The following NOS1AP variants were observed in gnomAD, a reference collection of about 807,000 sequenced individuals.
NOS1AP encodes the protein nitric oxide synthase 1 adaptor protein.
NOS1AP carries 21 observed loss-of-function variants against 56.2 expected under a neutral mutation model. The observed-to-expected ratio is 0.37, with a 90% CI of 0.26 to 0.54. The LOEUF is 0.54. Among genes scored for constraint, NOS1AP ranks in the 20% least tolerant of loss-of-function variants. The probability of loss-of-function intolerance (pLI) is 0.84; values close to 1 mark genes in which losing one functional copy is unlikely to be tolerated. For synonymous variants in NOS1AP, 270 were observed against 274.6 expected (o/e 0.98, Z 0.17); for missense variants, 522 against 657.8 (o/e 0.79, Z 2.26).
chr1:162,282,219 A>G (rs533510130), intron 2 of NOS1AP, among the ~76,000 whole-genome samples: 4 of 152,326 alleles, frequency 2.6e-5, no homozygotes, highest in South Asian at 2.1e-4. Flanking sequence ...TCATCTTGCA[A>G]AGATGAAACT....
chr1:162,321,728 AAAAATAT>A (rs1025333976), intron 4 of NOS1AP, among the ~76,000 whole-genome samples: 4 of 135,004 alleles, frequency 3.0e-5, no homozygotes, highest in African/African-American at 9.3e-5. Flanking sequence ...TTAAAAAAAA[AAAAATAT>A]ATATATATAT....
intron 1 of NOS1AP, among the ~76,000 whole-genome samples, chr1:162,079,022 C>T (rs919642906): frequency 1.3e-5 from 2 of 152,130 alleles, no homozygotes; most frequent in African/African-American, 4.8e-5. Context: ...AGAGATGATC[C>T]CTATAAGATG....
intron 1 of NOS1AP, among the ~76,000 whole-genome samples, chr1:162,141,858 T>A (rs1397845491): frequency 1.3e-5 from 2 of 152,210 alleles, no homozygotes; most frequent in African/African-American, 4.8e-5. Flanking sequence ...GTTGGGTGGA[T>A]CACCATAGGA....
intron 2 of NOS1AP, among the ~76,000 whole-genome samples, chr1:162,185,494 G>A (rs761896392): frequency 6.6e-6 from 1 of 152,166 alleles, no homozygotes; most frequent in Non-Finnish European, 1.5e-5. Flanking sequence ...GTCTTGATGG[G>A]GGTTATCTGA....
At chr1:162,304,309 A>G (rs1225477866) in intron 4 of NOS1AP, among the ~76,000 whole-genome samples, 4 of 152,232 alleles carry the variant, frequency 2.6e-5, no homozygotes, top group African/African-American at 9.6e-5. Context: ...GCTAAACATC[A>G]GTTATCCGTC....
chr1:162,289,311 T>C (rs909883433), intron 3 of NOS1AP, among the ~76,000 whole-genome samples: 1 of 148,206 alleles, frequency 6.7e-6, no homozygotes, highest in East Asian at 2.0e-4. Flanking sequence ...TTTCTTTCTT[T>C]CTTCTTGATG....
chr1:162,332,965 G>C (rs1656821268), intron 4 of NOS1AP, 52 bp from the exon 5 acceptor site: 1 of 1,282,982 alleles, frequency 7.8e-7, no homozygotes, highest in African/African-American at 1.5e-5. Flanking sequence ...CCTGGTTGGA[G>C]ATTTGAACCT....
At chr1:162,185,622 C>T (rs1651408194) in intron 2 of NOS1AP, among the ~76,000 whole-genome samples, 1 of 152,216 alleles carries the variant, frequency 6.6e-6, no homozygotes, top group South Asian at 2.1e-4. Flanking sequence ...GCATAGGCTT[C>T]TACCTCTGAT....
intron 2 of NOS1AP, among the ~76,000 whole-genome samples, chr1:162,220,153 A>C (rs1652721686): frequency 1.3e-5 from 2 of 152,176 alleles, no homozygotes; most frequent in Non-Finnish European, 2.9e-5. Context: ...GCTGGCCTCG[A>C]GCTCCTGGCC....
At chr1:162,277,968 T>TG (rs1164991182) in intron 2 of NOS1AP, among the ~76,000 whole-genome samples, 1 of 152,224 alleles carries the variant, frequency 6.6e-6, no homozygotes, top group African/African-American at 2.4e-5. Context: ...GCCAAGATTA[T>TG]GTTCAGGATT....
chr1:162,085,076 C>T (rs1309757812), intron 1 of NOS1AP, among the ~76,000 whole-genome samples: 1 of 152,122 alleles, frequency 6.6e-6, no homozygotes, highest in Admixed American at 6.6e-5. Context: ...AACAGGCTTT[C>T]TTGGGACCTT....
At chr1:162,267,596 CAAAA>C (rs71829190) in intron 2 of NOS1AP, among the ~76,000 whole-genome samples, 1 of 100,152 alleles carries the variant, frequency 1.0e-5, no homozygotes, top group South Asian at 2.9e-4. Context: ...CCTGTCTCTA[CAAAA>C]AAAAAAAAAA....
chr1:162,261,506 G>GAAGGCA (rs770447420), intron 2 of NOS1AP, among the ~76,000 whole-genome samples: 1 of 18,614 alleles, frequency 5.4e-5, no homozygotes, highest in African/African-American at 2.4e-4. Context: ...GAGAGAGAGA[G>GAAGGCA]AGAGAGAGAG....
intron 5 of NOS1AP, chr1:162,338,617 G>A (rs1001580610): frequency 2.6e-5 from 4 of 152,190 alleles, no homozygotes; most frequent in Non-Finnish European, 5.9e-5. Context: ...AAGTCGTTAA[G>A]AAAGAGAATA....
In NOS1AP at chr1:162,177,160, A is replaced by G. The variant is rs1190548596; in HGVS notation, c.177+22684A>G. Among the ~76,000 whole-genome samples, 30 of 152,150 alleles carry G rather than the reference A, an allele frequency of 2.0e-4. 1 individual carries two copies. The highest frequency in any genetic ancestry group is 2.0e-3 in the Admixed American group (30 of 15,276). ...ACCCTTCTTGCTGAGAACTTTAAAA[A>G]TTTTAATCCAGGAGGTGATATGGGG... On this transcript the variant is annotated intron_variant, in intron 2 of 9. Coordinates refer to ENST00000361897, the MANE Select transcript of NOS1AP (RefSeq NM_014697.3).
chr1:162,363,822 A>G (rs1657978702), intron 8 of NOS1AP: 2 of 985,426 alleles, frequency 2.0e-6, no homozygotes, highest in Non-Finnish European at 2.4e-6. Flanking sequence ...GAGACAAAAA[A>G]ATGAGTCTGA....
intron 2 of NOS1AP, among the ~76,000 whole-genome samples, chr1:162,213,376 T>C (rs564952467): frequency 6.6e-6 from 1 of 152,114 alleles, no homozygotes; most frequent in Non-Finnish European, 1.5e-5. Context: ...GGTCAGGAAT[T>C]TTTGCATTGA....
chr1:162,228,248 C>T (rs1240769917), intron 2 of NOS1AP, among the ~76,000 whole-genome samples: 1 of 152,152 alleles, frequency 6.6e-6, no homozygotes, highest in Admixed American at 6.5e-5. Flanking sequence ...CTGATTTTGT[C>T]AGACTAGTTT....
chr1:162,342,019 C>T (rs72700178), intron 5 of NOS1AP, among the ~76,000 whole-genome samples: 1 of 152,258 alleles, frequency 6.6e-6, no homozygotes, highest in Non-Finnish European at 1.5e-5. Context: ...GCAGATAGAA[C>T]AGTCATGTCT....
Sources: gnomAD v4.1 joint callset for allele counts (sites outside exome capture counted in the v4.1 genomes callset) on GRCh38, gnomAD v4.1.1 for gene constraint, MANE v1.5 for transcripts, NCBI Gene and HGNC (gene_info 2026-07-23, HGNC 2026-07-21) for gene names.